The following TGFBR2 variants were observed in gnomAD, a reference collection of about 807,000 sequenced individuals.
TGFBR2 encodes TGF-beta receptor type-2.
A neutral mutation model predicts 49.0 loss-of-function variants in TGFBR2; 18 were observed. The observed-to-expected ratio is 0.37, with a 90% CI of 0.25 to 0.54. TGFBR2 has a LOEUF of 0.54. TGFBR2 is among the 20% of genes least tolerant of loss of function. The probability of loss-of-function intolerance (pLI) is 0.85; values close to 1 mark genes in which losing one functional copy is unlikely to be tolerated. For missense variants in TGFBR2, 525 were observed against 722.6 expected (o/e 0.73, Z 3.13); for synonymous variants, 282 against 275.9 (o/e 1.02, Z -0.22).
chr3:30,622,879 C>CAAAAAA (rs10575244), intron 1 of TGFBR2, among the ~76,000 whole-genome samples: 5 of 75,628 alleles, frequency 6.6e-5, no homozygotes, highest in South Asian at 1.4e-3. Flanking sequence ...GACTTTGTCT[C>CAAAAAA]AAAAAAAAAA....
chr3:30,629,953 G>A (rs1436380026), intron 1 of TGFBR2, among the ~76,000 whole-genome samples: 1 of 152,122 alleles, frequency 6.6e-6, no homozygotes, highest in Non-Finnish European at 1.5e-5. Context: ...GGAGGGAACA[G>A]CAAGTACAGT....
chr3:30,673,041 T>C (rs992987031), intron 4 of TGFBR2, among the ~76,000 whole-genome samples: 5 of 152,202 alleles, frequency 3.3e-5, no homozygotes, highest in Admixed American at 1.3e-4. Context: ...CACCACAACA[T>C]CCCTTATAAA....
chr3:30,608,745 G>A (rs1390217557), intron 1 of TGFBR2, among the ~76,000 whole-genome samples: 2 of 152,124 alleles, frequency 1.3e-5, no homozygotes, highest in Non-Finnish European at 2.9e-5. Flanking sequence ...GAGTCCTATG[G>A]TTTTAATAAA....
At position 30,676,218 on chromosome 3, in the gene TGFBR2, T is replaced by G. The variant is rs996443031; in HGVS notation, c.1396+1972T>G. ...TTAATGTTAAATTTGGTCCTTTGGT[T>G]AAAGTGGGACCTGCTGCTATTTGTC... On this transcript the variant is annotated intron_variant, in intron 5 of 6. Transcript: ENST00000295754. This position sits in a 1 kb window ranked among gnomAD's most constrained non-coding sequence, Gnocchi z 4.3. Among the ~76,000 whole-genome samples, 30 of 152,214 alleles carry G rather than the reference T, an allele frequency of 2.0e-4. No homozygotes were observed. Among genetic ancestry groups the G allele is most frequent in the Admixed American group, 1.6e-3 (24 of 15,280 alleles).
At chr3:30,688,652 C>A in intron 6 of TGFBR2, 141 bp downstream of exon 6, 2 of 1,229,782 alleles carry the variant, frequency 1.6e-6, no homozygotes, top group Non-Finnish European at 2.3e-6. Context: ...GTTTATAAAG[C>A]AAATTTCAAT....
intron 5 of TGFBR2, among the ~76,000 whole-genome samples, chr3:30,675,018 T>A (rs1240716773): frequency 6.6e-6 from 1 of 152,136 alleles, no homozygotes; most frequent in Admixed American, 6.5e-5. Flanking sequence ...AGACTGTAGA[T>A]AGAATGGGCA....
At chr3:30,673,614 T>C (rs963669968) in intron 4 of TGFBR2, among the ~76,000 whole-genome samples, 1 of 152,190 alleles carries the variant, frequency 6.6e-6, no homozygotes, top group African/African-American at 2.4e-5. Context: ...TACTATATCC[T>C]TTGCACACTG....
chr3:30,679,375 C>G (rs1277546143), intron 5 of TGFBR2, among the ~76,000 whole-genome samples: 1 of 152,148 alleles, frequency 6.6e-6, no homozygotes, highest in African/African-American at 2.4e-5. Flanking sequence ...ACAGGGAAAA[C>G]AGAGAAAGAA....
At chr3:30,678,079 A>G (rs1290357158) in intron 5 of TGFBR2, among the ~76,000 whole-genome samples, 1 of 152,190 alleles carries the variant, frequency 6.6e-6, no homozygotes, top group African/African-American at 2.4e-5. Context: ...TTACCTTTGT[A>G]TGATGAATCA....
At position 30,672,070 on chromosome 3, in the gene TGFBR2, A is replaced by G; in HGVS notation, c.887A>G (p.Asp296Gly). ...SWKTEKDIFS[D>G]INLKHENILQ... is the part of the protein sequence containing the mutation. Reference sequence around the variant, plus strand: ...AAGACAGAGAAGGACATCTTCTCAGACATCAATCTGAAGCATGAGAACATA... The same window carrying G: ...AAGACAGAGAAGGACATCTTCTCAGGCATCAATCTGAAGCATGAGAACATA... The change falls in exon 4 of 7, where the codon GAC (aspartate) becomes GGC (glycine). Residue 296 changes from aspartate to glycine, a missense_variant. Around this residue, in one of 3 missense-constraint regions of TGFBR2, gnomAD observed 376 missense variants for 478.2 expected, o/e 0.79. Coordinates refer to ENST00000295754, the MANE Select transcript of TGFBR2 (RefSeq NM_003242.6). The surrounding 1 kb of genome is among the most constrained non-coding windows in gnomAD (Gnocchi z 4.5). 1 of 1,614,236 alleles carries G rather than the reference A, an allele frequency of 6.2e-7. No individual in the cohort carries two copies. Among genetic ancestry groups the G allele is most frequent in the Non-Finnish European group, 8.5e-7 (1 of 1,180,032 alleles).
rs1324661460 is a variant in TGFBR2, at chr3:30,676,350, A to G, written c.1396+2104A>G. Among the ~76,000 whole-genome samples the G allele has an allele frequency of 6.6e-6, 1 of 152,200 alleles. No individual in the cohort carries two copies. The highest frequency in any genetic ancestry group is 6.5e-5 in the Admixed American group (1 of 15,276). On this transcript the variant is annotated intron_variant, in intron 5 of 6. Transcript: ENST00000295754. This position sits in a 1 kb window ranked among gnomAD's most constrained non-coding sequence, Gnocchi z 4.3. Reference sequence around the variant, plus strand: ...TCATCATTTACCCACTAATTTGATGATCTATGACTAATTCCTGCCTATAAC... The same window carrying G: ...TCATCATTTACCCACTAATTTGATGGTCTATGACTAATTCCTGCCTATAAC...
intron 5 of TGFBR2, among the ~76,000 whole-genome samples, chr3:30,679,395 A>T (rs1699496173): frequency 6.6e-6 from 1 of 152,182 alleles, no homozygotes; most frequent in South Asian, 2.1e-4. Flanking sequence ...ACAGCACTAC[A>T]CTGGAGAAGC....
rs542725227 is a variant in TGFBR2 at position 30,625,107 on chromosome 3, A to C, written c.94+18130A>C. ...ATTCTTTAAAAACTGTAATTTTTAC[A>C]TACTGATTCCTGTTAAGGCAGATGT... On this transcript the variant is annotated intron_variant, in intron 1 of 6. Transcript: ENST00000295754. 1.4e-4 allele frequency among the ~76,000 whole-genome samples: 21 copies of C among 152,342 alleles called. No individual in the cohort carries two copies. In the East Asian group the frequency reaches 3.5e-3, roughly 25 times the overall value.
intron 1 of TGFBR2, among the ~76,000 whole-genome samples, chr3:30,624,367 C>T (rs373236169): frequency 4.6e-5 from 7 of 152,160 alleles, no homozygotes; most frequent in East Asian, 1.9e-4. Flanking sequence ...CCTGTAATCC[C>T]GGATCTTTGG....
chr3:30,692,800 C>T lies in TGFBR2; in HGVS notation c.*1201C>T, dbSNP rs886058318. ...AGCACAGCGTTTCAAAAAGTGAAGC[C>T]ACTTTATAAATATTTGGAGATTTTG... On this transcript the variant is annotated 3_prime_UTR_variant, in exon 7 of 7. Transcript: ENST00000295754. 4.3e-6 allele frequency: 1 copy of T among 233,002 alleles called. No individual in the cohort carries two copies. The highest frequency in any genetic ancestry group is 2.2e-5 in the African/African-American group (1 of 45,314). 14.4% of individuals were successfully genotyped at this position (233,002 alleles called of 1,614,324 possible).
intron 2 of TGFBR2, among the ~76,000 whole-genome samples, chr3:30,648,378 C>T (rs1488791706): frequency 1.3e-5 from 2 of 150,252 alleles, no homozygotes; most frequent in African/African-American, 2.4e-5. Flanking sequence ...TTTCTGTGGG[C>T]ACAGCATACC....
chr3:30,686,277 A>T (rs1699620783), intron 5 of TGFBR2, among the ~76,000 whole-genome samples: 5 of 152,228 alleles, frequency 3.3e-5, no homozygotes, highest in African/African-American at 1.2e-4. Context: ...AGTCTGGTTG[A>T]AGATAAGGAA....
Position 30,692,508 on chromosome 3 carries a change from C to T in TGFBR2, c.*909C>T. 2 of 233,060 alleles carry T rather than the reference C, an allele frequency of 8.6e-6. No homozygotes were observed. The highest frequency in any genetic ancestry group is 1.7e-5 in the Non-Finnish European group (2 of 117,826). The allele number at this position is 233,060 out of a possible 1,614,324, so 14.4% of individuals were successfully genotyped here. ...AAATTGTTCTTTTTTTCATCTTTCC[C>T]CTGCACTTATGTTACTATTCTCTGC... On this transcript the variant is annotated 3_prime_UTR_variant, in exon 7 of 7. Coordinates refer to ENST00000295754, the MANE Select transcript of TGFBR2 (RefSeq NM_003242.6).
At chr3:30,654,244 C>T (rs1698953164) in intron 3 of TGFBR2, among the ~76,000 whole-genome samples, 1 of 152,192 alleles carries the variant, frequency 6.6e-6, no homozygotes, top group African/African-American at 2.4e-5. Context: ...TCTGTAGAGG[C>T]AGAGGAACAC....
Sources: gnomAD v4.1 joint callset for allele counts (sites outside exome capture counted in the v4.1 genomes callset) on GRCh38, gnomAD v4.1.1 for gene constraint, gnomAD v4.1.1 regional missense constraint, Gnocchi (gnomAD v3.1) non-coding constraint, MANE v1.5 for transcripts, NCBI Gene and HGNC (gene_info 2026-07-23, HGNC 2026-07-21) for gene names.